ZNF407: variants seen among roughly 807,000 people sequenced by gnomAD.
The protein encoded by ZNF407 is zinc finger protein 407.
A neutral mutation model predicts 131.2 loss-of-function variants in ZNF407; 17 were observed. That is an observed-to-expected ratio of 0.13 (90% confidence interval 0.09 to 0.19). The LOEUF (loss-of-function observed/expected upper bound fraction) is 0.19. ZNF407 is among the 10% of genes least tolerant of loss of function. The pLI is 1.00. For synonymous variants in ZNF407, 1,156 were observed against 1,062.0 expected (o/e 1.09, Z -1.72); for missense variants, 2,681 against 2,830.6 (o/e 0.95, Z 1.20).
At chr18:74,971,933 G>A (rs1972477400) in intron 8 of ZNF407, among the ~76,000 whole-genome samples, 1 of 152,196 alleles carries the variant, frequency 6.6e-6, no homozygotes, top group South Asian at 2.1e-4. Context: ...CATAGTCATG[G>A]TAGAGGGTGG....
chr18:74,708,448 C>T lies in ZNF407; in HGVS notation c.4802+67326C>T, dbSNP rs140795390. Among the ~76,000 whole-genome samples the T allele has an allele frequency of 3.7e-3, 558 of 152,258 alleles. 4 individuals are homozygous for T. Among genetic ancestry groups the T allele is most frequent in the Middle Eastern group, 0.017 (5 of 294 alleles). ...GTTCCTTGTATCCTCTGCTATGTAG[C>T]CTATTTATAACTTCATTCTGACTTC... On this transcript the variant is annotated intron_variant, in intron 3 of 8. Transcript: ENST00000299687.
intron 8 of ZNF407, among the ~76,000 whole-genome samples, chr18:74,993,799 G>A (rs950212470): frequency 6.6e-6 from 1 of 152,204 alleles, no homozygotes; most frequent in African/African-American, 2.4e-5. Context: ...ACACTCCTTT[G>A]GGTATAGGAT....
intron 7 of ZNF407, among the ~76,000 whole-genome samples, chr18:74,902,437 C>T (rs941641712): frequency 1.9e-4 from 29 of 152,134 alleles, no homozygotes; most frequent in African/African-American, 5.3e-4. Context: ...AAAATGTCTT[C>T]CGGGAGTACT....
In ZNF407 at chr18:74,634,865, G is replaced by A. The variant is rs747393067; in HGVS notation, c.3846G>A (p.Gln1282=). 1.1e-5 allele frequency: 18 copies of A among 1,613,550 alleles called. No individual in the cohort carries two copies. The highest frequency in any genetic ancestry group is 1.4e-5 in the Non-Finnish European group (17 of 1,179,712). The change falls in exon 2 of 9, where the codon CAG becomes CAA. Residue 1282 remains glutamine (Q), a synonymous_variant. Transcript: ENST00000299687. ...REQGNLESGG[Q]NRVARGHGLE... is the part of the protein sequence containing the mutation. ...AGGGAAATCTGGAGAGCGGGGGTCA[G>A]AACAGAGTTGCACGTGGGCATGGTT...
rs956434010 is a variant in ZNF407, at chr18:74,942,487, A to C, written c.5428+21795A>C. Among the ~76,000 whole-genome samples, 3 of 152,218 alleles carry C rather than the reference A, an allele frequency of 2.0e-5. No individual in the cohort carries two copies. In the South Asian group the frequency reaches 6.2e-4, roughly 32 times the overall value. The stretch of plus-strand genomic sequence containing the variant: ...CTTGATGCGAATCAAGCATGACTGG[A>C]GAACAGAAACCCAAGACTTTCCCTA... On this transcript the variant is annotated intron_variant, in intron 8 of 8. Transcript: ENST00000299687.
At chr18:74,795,260 C>G (rs957976225) in intron 4 of ZNF407, among the ~76,000 whole-genome samples, 1 of 152,110 alleles carries the variant, frequency 6.6e-6, no homozygotes, top group African/African-American at 2.4e-5. Flanking sequence ...AATAAACTTG[C>G]ATATATAGCA....
intron 4 of ZNF407, among the ~76,000 whole-genome samples, chr18:74,876,268 T>C (rs2145178873): frequency 6.6e-6 from 1 of 152,370 alleles, no homozygotes; most frequent in South Asian, 2.1e-4. Context: ...CAACTCGTTA[T>C]AATATTTTAC....
intron 3 of ZNF407, among the ~76,000 whole-genome samples, chr18:74,750,459 T>C (rs1968774481): frequency 6.6e-6 from 1 of 152,222 alleles, no homozygotes; most frequent in Admixed American, 6.5e-5. Flanking sequence ...CATATGAATG[T>C]GATTATACAA....
chr18:74,736,231 A>T (rs1352870509), intron 3 of ZNF407, among the ~76,000 whole-genome samples: 1 of 151,858 alleles, frequency 6.6e-6, no homozygotes. Flanking sequence ...TGTGTTTTGC[A>T]CTCAATTATA....
chr18:74,662,010 C>A (rs996076228), intron 3 of ZNF407, among the ~76,000 whole-genome samples: 1 of 151,042 alleles, frequency 6.6e-6, no homozygotes, highest in Non-Finnish European at 1.5e-5. Flanking sequence ...GCCTGCCATG[C>A]GGTGTCTGTG....
intron 3 of ZNF407, among the ~76,000 whole-genome samples, chr18:74,737,026 C>T (rs1210721607): frequency 2.0e-5 from 3 of 152,130 alleles, no homozygotes; most frequent in African/African-American, 7.2e-5. Context: ...TTTTAAAAGC[C>T]ATTCCTGCTA....
chr18:74,906,065 G>A (rs7237166), intron 7 of ZNF407: 3,820 of 153,242 alleles, frequency 0.025, 98 homozygotes, highest in South Asian at 0.073. Flanking sequence ...ACTATTTGGA[G>A]TCAGAGTCTT....
chr18:74,636,230 CAT>C (rs1215965220), intron 2 of ZNF407, among the ~76,000 whole-genome samples: 1 of 152,176 alleles, frequency 6.6e-6, no homozygotes, highest in Non-Finnish European at 1.5e-5. Flanking sequence ...CCAAAGTTAA[CAT>C]GTGCTGGGGA....
chr18:74,681,286 A>G (rs2144777596), intron 3 of ZNF407, among the ~76,000 whole-genome samples: 1 of 152,138 alleles, frequency 6.6e-6, no homozygotes, highest in African/African-American at 2.4e-5. Flanking sequence ...CCCAGGCTGA[A>G]GTTCAGTGGT....
rs546406234 is a variant in ZNF407, at chr18:74,809,678, T to C, written c.4877+28176T>C. 3.3e-5 allele frequency among the ~76,000 whole-genome samples: 5 copies of C among 152,324 alleles called. No homozygotes were observed. In the East Asian group the frequency reaches 5.8e-4, roughly 18 times the overall value. ...GGCTTATCGATAATACAAAAGATTA[T>C]TAATGGAGTCTAGATCAGGAATTGG... On this transcript the variant is annotated intron_variant, in intron 4 of 8. Transcript: ENST00000299687.
intron 2 of ZNF407, among the ~76,000 whole-genome samples, chr18:74,639,733 T>G (rs969236376): frequency 6.6e-6 from 1 of 152,238 alleles, no homozygotes; most frequent in Non-Finnish European, 1.5e-5. Context: ...TGCCGGTGCT[T>G]AGTACTGTTG....
intron 3 of ZNF407, among the ~76,000 whole-genome samples, chr18:74,746,308 T>G (rs1599118417): frequency 6.6e-6 from 1 of 152,298 alleles, no homozygotes; most frequent in South Asian, 2.1e-4. Flanking sequence ...AGGACATTAC[T>G]GTACACTACT....
intron 3 of ZNF407, among the ~76,000 whole-genome samples, chr18:74,752,192 T>C (rs1427449984): frequency 6.6e-6 from 1 of 152,150 alleles, no homozygotes; most frequent in African/African-American, 2.4e-5. Flanking sequence ...TTTCTCTTCA[T>C]ATCCTTTGCC....
intron 7 of ZNF407, among the ~76,000 whole-genome samples, chr18:74,901,915 G>GTTTT (rs34297257): frequency 3.3e-5 from 5 of 149,728 alleles, no homozygotes; most frequent in Non-Finnish European, 5.9e-5. Flanking sequence ...TATTTTTAAG[G>GTTTT]TTTTTTTTTT....
Sources: gnomAD v4.1 joint callset for allele counts (sites outside exome capture counted in the v4.1 genomes callset) on GRCh38, gnomAD v4.1.1 for gene constraint, MANE v1.5 for transcripts, NCBI Gene and HGNC (gene_info 2026-07-23, HGNC 2026-07-21) for gene names.